The following FHOD3 variants were observed in gnomAD, a reference collection of about 807,000 sequenced individuals.
FHOD3 encodes the protein formin homology 2 domain containing 3, also known as FH1/FH2 domain-containing protein 3.
Under a neutral mutation model 173.0 loss-of-function variants are expected in FHOD3, and 90 were observed. That is an observed-to-expected ratio of 0.52 (90% CI 0.44 to 0.62). The LOEUF (loss-of-function observed/expected upper bound fraction) is 0.62. Among genes scored for constraint, FHOD3 ranks in the 20% least tolerant of loss-of-function variants. FHOD3 has a pLI of 0.00. For synonymous variants in FHOD3, 828 were observed against 823.0 expected, an observed-to-expected ratio of 1.01 and a Z score of -0.10; for missense variants, 1,945 against 2,034.7, an observed-to-expected ratio of 0.96 and a Z score of 0.85.
chr18:36,482,335 A>G lies in FHOD3; in HGVS notation c.338-19597A>G, dbSNP rs1398181080. On this transcript the variant is annotated intron_variant, in intron 3 of 28. Transcript: ENST00000590592. ...AACAGACACGTGCTTCTGAAAGAAG[A>G]GTATATTTGGGTGCACGTCTGAGAT... Among the ~76,000 whole-genome samples, 5 of 152,324 alleles carry G rather than the reference A, an allele frequency of 3.3e-5. No individual in the cohort carries two copies. In the East Asian group the frequency reaches 9.6e-4, roughly 29 times the overall value.
chr18:36,573,697 T>A (rs189358698), intron 5 of FHOD3, among the ~76,000 whole-genome samples: 80 of 152,336 alleles, frequency 5.3e-4, no homozygotes, highest in Non-Finnish European at 1.1e-3. Flanking sequence ...ATACTTGCTT[T>A]TTACTTATTT....
At chr18:36,458,505 G>A (rs971766649) in intron 3 of FHOD3, among the ~76,000 whole-genome samples, 10 of 152,072 alleles carry the variant, frequency 6.6e-5, no homozygotes, top group Admixed American at 1.3e-4. Context: ...CAGAACCAAG[G>A]ATGGGGAGTG....
At chr18:36,380,400 G>A (rs1253352873) in intron 3 of FHOD3, among the ~76,000 whole-genome samples, 3 of 152,020 alleles carry the variant, frequency 2.0e-5, no homozygotes, top group Non-Finnish European at 4.4e-5. Flanking sequence ...AAGGGATAGA[G>A]CCACGTTACT....
At chr18:36,318,441 C>A (rs932817920) in intron 1 of FHOD3, among the ~76,000 whole-genome samples, 1 of 152,324 alleles carries the variant, frequency 6.6e-6, no homozygotes, top group African/African-American at 2.4e-5. Flanking sequence ...AGGTCCTTCA[C>A]ATCCCTTGTA....
chr18:36,481,154 G>C (rs929458822), intron 3 of FHOD3, among the ~76,000 whole-genome samples: 1 of 150,602 alleles, frequency 6.6e-6, no homozygotes, highest in Non-Finnish European at 1.5e-5. Flanking sequence ...AAGGAGAAAA[G>C]CAACAGGACT....
chr18:36,448,768 C>T lies in FHOD3; in HGVS notation c.338-53164C>T, dbSNP rs146013512. Among the ~76,000 whole-genome samples, 11 of 152,238 alleles carry T rather than the reference C, an allele frequency of 7.2e-5. No individual in the cohort carries two copies. The East Asian group carries it at 1.4e-3, about 19-fold the overall frequency. On this transcript the variant is annotated intron_variant, in intron 3 of 28. Transcript: ENST00000590592. ...CTGAGATGCTGAAAAGGAGCCTGGG[C>T]CTCTGGCTGTCCCTGGGGGGCCACC...
chr18:36,337,902 A>C (rs1200141157), intron 1 of FHOD3, among the ~76,000 whole-genome samples: 4 of 152,100 alleles, frequency 2.6e-5, no homozygotes, highest in African/African-American at 9.7e-5. Context: ...GAGGAAACAG[A>C]GGGGAGGCAG....
At chr18:36,613,737 G>A (rs761303733) in intron 9 of FHOD3, among the ~76,000 whole-genome samples, 5 of 152,052 alleles carry the variant, frequency 3.3e-5, no homozygotes, top group African/African-American at 9.7e-5. Context: ...GTGGTGGCGC[G>A]ATCTCGGCTC....
At chr18:36,725,741 A>G (rs1339808141) in intron 19 of FHOD3, among the ~76,000 whole-genome samples, 2 of 152,130 alleles carry the variant, frequency 1.3e-5, no homozygotes, top group Admixed American at 6.5e-5. Flanking sequence ...CACTCGCCAT[A>G]TCGGTTTGTT....
chr18:36,355,779 A>G, intron 2 of FHOD3, 134 bp downstream of exon 2: 1 of 718,332 alleles, frequency 1.4e-6, no homozygotes, highest in Non-Finnish European at 2.3e-6. Context: ...CACGAGGGAG[A>G]TGCAAGTGAC....
chr18:36,425,305 A>G (rs2050182109), intron 3 of FHOD3, among the ~76,000 whole-genome samples: 1 of 152,244 alleles, frequency 6.6e-6, no homozygotes, highest in Admixed American at 6.5e-5. Flanking sequence ...GGATTCAGGC[A>G]TCTACTGGAG....
chr18:36,643,914 A>T (rs776347120), intron 10 of FHOD3, among the ~76,000 whole-genome samples: 4 of 152,126 alleles, frequency 2.6e-5, no homozygotes, highest in Middle Eastern at 3.4e-3. Flanking sequence ...CATTATTTTG[A>T]ATGTTTGTAT....
intron 10 of FHOD3, among the ~76,000 whole-genome samples, chr18:36,635,133 G>A (rs1222616733): frequency 6.6e-5 from 10 of 152,182 alleles, no homozygotes; most frequent in Admixed American, 6.5e-4. Flanking sequence ...TGGGAAGGCT[G>A]GGAGAGTGGG....
In FHOD3 at chr18:36,411,919, G is replaced by A. The variant is rs1260308495; in HGVS notation, c.337+39175G>A. ...GGTAGCTGCTGCTCCAAGCAATGGC[G>A]CCTCCCTTGGCCTTTCTTCTCTCAC... is the stretch of plus-strand genomic sequence containing the variant. On this transcript the variant is annotated intron_variant, in intron 3 of 28. Transcript: ENST00000590592. 5.9e-5 allele frequency among the ~76,000 whole-genome samples: 9 copies of A among 152,294 alleles called. No homozygotes were observed. The South Asian group carries it at 1.2e-3, about 21-fold the overall frequency.
chr18:36,691,058 A>G (rs993404692), intron 16 of FHOD3, among the ~76,000 whole-genome samples: 22 of 152,314 alleles, frequency 1.4e-4, no homozygotes, highest in African/African-American at 5.1e-4. Context: ...ATAGCATTTG[A>G]GTCAAATATA....
rs151042091 is a variant in FHOD3, at chr18:36,360,768, C to A, written c.272+5123C>A. 2.2e-3 allele frequency among the ~76,000 whole-genome samples: 341 copies of A among 152,232 alleles called. 5 individuals carry two copies. Among genetic ancestry groups the A allele is most frequent in the Admixed American group, 0.015 (231 of 15,284 alleles). On this transcript the variant is annotated intron_variant, in intron 2 of 28. Coordinates refer to ENST00000590592, the MANE Select transcript of FHOD3 (RefSeq NM_001281740.3). ...TGGTGGGGAGGTATTTCAAAGCCTTCATTGGATTCTCAAAGAGGTCTTTGC... is the reference window on the plus strand; with the variant it reads ...TGGTGGGGAGGTATTTCAAAGCCTTAATTGGATTCTCAAAGAGGTCTTTGC...
intron 19 of FHOD3, among the ~76,000 whole-genome samples, chr18:36,724,275 C>T (rs189042580): frequency 3.3e-5 from 5 of 152,182 alleles, no homozygotes; most frequent in African/African-American, 7.2e-5. Context: ...TCTGGCTTAG[C>T]GGTTCTAGAA....
At chr18:36,367,708 AG>A (rs1174272780) in intron 2 of FHOD3, among the ~76,000 whole-genome samples, 1 of 152,198 alleles carries the variant, frequency 6.6e-6, no homozygotes, top group Non-Finnish European at 1.5e-5. Flanking sequence ...CAGAACCAAG[AG>A]AATATCTATC....
intron 5 of FHOD3, among the ~76,000 whole-genome samples, chr18:36,566,120 A>G (rs1195252267): frequency 6.6e-6 from 1 of 152,208 alleles, no homozygotes; most frequent in Non-Finnish European, 1.5e-5. Context: ...CAGAGCAGCA[A>G]TATTTAAGAG....
Sources: allele counts gnomAD v4.1 joint callset (sites outside exome capture counted in the v4.1 genomes callset), GRCh38; gene constraint gnomAD v4.1.1; transcripts MANE v1.5; gene names NCBI Gene and HGNC (gene_info 2026-07-23, HGNC 2026-07-21).